Variants in SP110 observed in about 807,000 individuals in gnomAD.
The protein encoded by SP110 is SP110 nuclear body protein, also known as interferon-induced protein 41, 30kD.
A neutral mutation model predicts 92.7 loss-of-function variants in SP110; 62 were observed. The ratio of observed to expected loss-of-function variants is 0.67; its 90% CI spans 0.55 to 0.83. The LOEUF is 0.83. Among genes scored for constraint, SP110 ranks in the 40% least tolerant of loss-of-function variants. The pLI is 0.00. For missense variants in SP110, 793 were observed against 863.9 expected, an observed-to-expected ratio of 0.92 and a Z score of 1.03; for synonymous variants, 273 against 305.3, an observed-to-expected ratio of 0.89 and a Z score of 1.10.
chr2:230,176,660 G>T, intron 14 of SP110: 2 of 1,613,832 alleles, frequency 1.2e-6, no homozygotes, highest in Non-Finnish European at 1.7e-6. Flanking sequence ...GAGGGTAGTA[G>T]AAATTCACTT....
chr2:230,183,526 G>T lies in SP110; in HGVS notation c.1348+46C>A, dbSNP rs201625815. On this transcript the variant is annotated intron_variant, in intron 12 of 18. Transcript: ENST00000258381. ...GGGTGGAGCTTCCAGCAGAGGCCAG[G>T]GCTCTGGGGAGCCCAGTGGGGAGGC... The T allele has an allele frequency of 1.7e-5, 22 of 1,277,362 alleles. No individual in the cohort carries two copies. The African/African-American group carries it at 3.1e-4, about 18-fold the overall frequency. 79.1% of individuals were successfully genotyped at this position (1,277,362 alleles called of 1,614,324 possible).
At chr2:230,201,277 C>T (rs2043160392) in intron 9 of SP110, among the ~76,000 whole-genome samples, 1 of 152,222 alleles carries the variant, frequency 6.6e-6, no homozygotes, top group Non-Finnish European at 1.5e-5. Context: ...CCTAGGGGGT[C>T]TGTCAAACCG....
chr2:230,220,341 TGTG>T (rs1183565247), upstream of SP110, among the ~76,000 whole-genome samples: 2 of 152,244 alleles, frequency 1.3e-5, no homozygotes, highest in Non-Finnish European at 2.9e-5. Flanking sequence ...CAAACTGGAT[TGTG>T]GTGATGTTTA....
At position 230,211,367 on chromosome 2, in the gene SP110, A is replaced by C; in HGVS notation, c.751+103T>G. 1.2e-6 allele frequency: 1 copy of C among 804,160 alleles called. No homozygotes were observed. The highest frequency in any genetic ancestry group is 2.2e-6 in the Non-Finnish European group (1 of 452,762). The allele number at this position is 804,160 out of a possible 1,614,324, so 49.8% of individuals were successfully genotyped here. A position where few individuals can be genotyped will look rare whatever the true frequency, so the allele number is the denominator to read the frequency against. ...ACTGGAAGCTGGGCCAAGATTGCTG[A>C]GAGGCAGGAGGAGAGCCCCCTCTCT... On this transcript the variant is annotated intron_variant, in intron 6 of 18. Coordinates refer to ENST00000258381, the MANE Select transcript of SP110 (RefSeq NM_080424.4). This position sits in a 1 kb window ranked among gnomAD's most constrained non-coding sequence, Gnocchi z 4.2.
chr2:230,172,158 T>C lies in SP110; in HGVS notation c.1723A>G (p.Thr575Ala). Reference protein sequence around the residue: ...VEAKRMLWSCTFCRMKRSSGS... With the variant: ...VEAKRMLWSCAFCRMKRSSGS... ...GAAGACCTCTTCATCCTGCAGAAGG[T>C]GCAACTCCACAGCATCCTGAGAGGT... The change falls in exon 16 of 19, where the codon ACC becomes GCC. Residue 575 changes from threonine (T) to alanine (A), a missense_variant. Transcript: ENST00000258381. 1 of 1,609,532 alleles carries C rather than the reference T, an allele frequency of 6.2e-7. No individual in the cohort carries two copies. Among genetic ancestry groups the C allele is most frequent in the Non-Finnish European group, 8.5e-7 (1 of 1,175,744 alleles).
In SP110 at chr2:230,171,427, A is replaced by G. The variant is rs2078437391; in HGVS notation, c.1887+269T>C. 6.2e-6 allele frequency: 3 copies of G among 487,268 alleles called. No homozygotes were observed. The Admixed American group carries it at 9.9e-5, about 16-fold the overall frequency. 30.2% of individuals were successfully genotyped at this position (487,268 alleles called of 1,614,324 possible). The stretch of plus-strand genomic sequence containing the variant: ...ACTCTTAATCTCTAGTAGGAAAGAC[A>G]TTCTTCCTAAAGAGAAGATGAAACA... On this transcript the variant is annotated intron_variant, in intron 17 of 18. Coordinates refer to ENST00000258381, the MANE Select transcript of SP110 (RefSeq NM_080424.4).
At chr2:230,225,213 A>G in intron 1 of SP110, among the ~76,000 whole-genome samples, 1 of 152,164 alleles carries the variant, frequency 6.6e-6, no homozygotes, top group South Asian at 2.1e-4. Flanking sequence ...AAAACTTAGA[A>G]TTGCACCTCA....
chr2:230,182,529 A>G (rs12619732), intron 12 of SP110, among the ~76,000 whole-genome samples: 120,425 of 151,842 alleles, frequency 0.79, 47,864 homozygotes, highest in Admixed American at 0.84. Flanking sequence ...AGGGGGATTC[A>G]CTTTGGGGTT....
chr2:230,216,364 A>C (rs1192519897), intron 2 of SP110, among the ~76,000 whole-genome samples: 2 of 152,194 alleles, frequency 1.3e-5, no homozygotes, highest in African/African-American at 4.8e-5. Context: ...TGATGTAGAG[A>C]TGAAAACATA....
intron 1 of SP110, among the ~76,000 whole-genome samples, chr2:230,225,299 A>T (rs1485981935): frequency 6.6e-6 from 1 of 152,194 alleles, no homozygotes; most frequent in Non-Finnish European, 1.5e-5. Context: ...GTCTGCTTTC[A>T]TGGAGTGCTA....
At chr2:230,224,117 T>C (rs1279988456), upstream of SP110, among the ~76,000 whole-genome samples, 2 of 152,214 alleles carry the variant, frequency 1.3e-5, no homozygotes, top group African/African-American at 2.4e-5. Flanking sequence ...GGCTAATGCA[T>C]GGTGTTGCAA....
chr2:230,208,249 G>A (rs1230528628), intron 7 of SP110, among the ~76,000 whole-genome samples, 190 bp from the exon 8 acceptor site: 2 of 152,184 alleles, frequency 1.3e-5, no homozygotes, highest in South Asian at 2.1e-4. Context: ...AAGGAGAAAC[G>A]AAGAAATAGA....
chr2:230,172,016 T>G, intron 16 of SP110, 50 bp downstream of exon 16: 1 of 1,152,266 alleles, frequency 8.7e-7, no homozygotes, highest in Non-Finnish European at 1.3e-6. Context: ...TGTTTGTGCT[T>G]CTCGTGTGAG....
chr2:230,200,838 A>T (rs1451404146), intron 10 of SP110, 47 bp downstream of exon 10: 1 of 1,374,422 alleles, frequency 7.3e-7, no homozygotes, highest in East Asian at 2.3e-5. Context: ...CTCTGAATTT[A>T]GATTCCTGGT....
chr2:230,199,356 C>T (rs2043029474), intron 10 of SP110, among the ~76,000 whole-genome samples: 1 of 151,092 alleles, frequency 6.6e-6, no homozygotes, highest in Middle Eastern at 3.2e-3. Context: ...TTACAGGCGC[C>T]CACCACCACG....
At chr2:230,172,515 G>A (rs1202866971) in intron 15 of SP110, 1 of 528,782 alleles carries the variant, frequency 1.9e-6, no homozygotes, top group East Asian at 3.3e-5. Flanking sequence ...CCATCAGCCA[G>A]GTGAGACTAT....
intron 12 of SP110, among the ~76,000 whole-genome samples, chr2:230,178,992 TGAA>T (rs2041994872): frequency 6.6e-6 from 1 of 152,034 alleles, no homozygotes; most frequent in Admixed American, 6.6e-5. Flanking sequence ...TGGGGAGAAA[TGAA>T]GGGGCTGTCC....
chr2:230,180,338 C>T (rs2042074078), intron 12 of SP110, among the ~76,000 whole-genome samples: 1 of 146,084 alleles, frequency 6.8e-6, no homozygotes. Flanking sequence ...GGAAGGAGCA[C>T]AAGGTGGAAA....
chr2:230,200,681 T>C (rs2043089927), intron 10 of SP110: 2 of 609,978 alleles, frequency 3.3e-6, no homozygotes, highest in Non-Finnish European at 2.9e-6. Context: ...TACATACATA[T>C]GGACACATTA....
Sources: allele counts gnomAD v4.1 joint callset (sites outside exome capture counted in the v4.1 genomes callset), GRCh38; gene constraint gnomAD v4.1.1; non-coding constraint Gnocchi (gnomAD v3.1); transcripts MANE v1.5; gene names NCBI Gene and HGNC (gene_info 2026-07-23, HGNC 2026-07-21).